Variants in AMD1 observed in about 807,000 individuals in gnomAD.
AMD1 encodes the protein adenosylmethionine decarboxylase 1.
A neutral mutation model predicts 40.2 loss-of-function variants in AMD1; 11 were observed. The observed-to-expected ratio is 0.27, with a 90% confidence interval of 0.17 to 0.45. The LOEUF is 0.45. Among genes scored for constraint, AMD1 ranks in the 20% least tolerant of loss-of-function variants. The pLI, the probability that AMD1 is intolerant of heterozygous loss-of-function variation, is 1.00. For synonymous variants in AMD1, 121 were observed against 130.8 expected (o/e 0.93, Z 0.51); for missense variants, 257 against 410.2 (o/e 0.63, Z 3.23).
chr6:110,869,849 G>A (rs1395643762), upstream of AMD1, among the ~76,000 whole-genome samples: 1 of 152,142 alleles, frequency 6.6e-6, no homozygotes, highest in African/African-American at 2.4e-5. Flanking sequence ...AATCTCTGAA[G>A]TCCCACAACA....
chr6:110,869,659 TC>T, the AMD1 span, among the ~76,000 whole-genome samples: 1 of 151,238 alleles, frequency 6.6e-6, no homozygotes, highest in South Asian at 2.1e-4. Context: ...ATAGGCGTGC[TC>T]CACCACGCTC....
the AMD1 span, among the ~76,000 whole-genome samples, chr6:110,841,681 T>A: frequency 6.6e-6 from 1 of 150,630 alleles, no homozygotes; most frequent in African/African-American, 2.4e-5. Context: ...ATTGCTTCCC[T>A]CCTTTATTCA....
the AMD1 span, among the ~76,000 whole-genome samples, chr6:110,847,947 C>T: frequency 6.6e-6 from 1 of 151,590 alleles, no homozygotes; most frequent in South Asian, 2.1e-4. Context: ...AACTCCTGAC[C>T]TTGTGATCCG....
chr6:110,860,839 A>T, the AMD1 span, among the ~76,000 whole-genome samples: 11 of 146,912 alleles, frequency 7.5e-5, no homozygotes, highest in Non-Finnish European at 1.7e-4. Context: ...CCACCCACAC[A>T]CACACACACA....
chr6:110,844,533 G>A, the AMD1 span, among the ~76,000 whole-genome samples: 2 of 151,830 alleles, frequency 1.3e-5, no homozygotes, highest in African/African-American at 4.8e-5. Context: ...TGTAATCCCA[G>A]CACTTTGGGA....
chr6:110,841,394 T>G, the AMD1 span, among the ~76,000 whole-genome samples: 2 of 152,220 alleles, frequency 1.3e-5, no homozygotes, highest in African/African-American at 4.8e-5. Flanking sequence ...ATAAGTACAT[T>G]CAATGTCCTT....
chr6:110,834,169 T>C, the AMD1 span, among the ~76,000 whole-genome samples: 1 of 151,958 alleles, frequency 6.6e-6, no homozygotes, highest in South Asian at 2.1e-4. Flanking sequence ...TTTTGTTAAT[T>C]ATTAATTATT....
At chr6:110,862,129 C>G in the AMD1 span, among the ~76,000 whole-genome samples, 1 of 148,894 alleles carries the variant, frequency 6.7e-6, no homozygotes, top group Non-Finnish European at 1.5e-5. Context: ...AAGTGATTCT[C>G]CCAGGAGTAG....
chr6:110,889,523 A>G (rs1396800526), intron 3 of AMD1: 1 of 152,336 alleles, frequency 6.6e-6, no homozygotes, highest in African/African-American at 2.4e-5. Flanking sequence ...AGCTCACTGC[A>G]ATCTGCACCT....
At chr6:110,881,101 G>A (rs962042953) in intron 1 of AMD1, among the ~76,000 whole-genome samples, 1 of 152,108 alleles carries the variant, frequency 6.6e-6, no homozygotes, top group Non-Finnish European at 1.5e-5. Context: ...TACAATTTGT[G>A]TGCTGTTATT....
the AMD1 span, among the ~76,000 whole-genome samples, chr6:110,852,982 C>CTTTT: frequency 1.6e-4 from 18 of 111,468 alleles, no homozygotes; most frequent in Middle Eastern, 5.4e-3. Context: ...TAATTAAGCA[C>CTTTT]TTTTTTTTTT....
the AMD1 span, among the ~76,000 whole-genome samples, chr6:110,822,770 G>T: frequency 6.6e-6 from 1 of 152,152 alleles, no homozygotes. Flanking sequence ...TGCAGGAATG[G>T]TTCAATATAC....
At chr6:110,826,327 CA>C in the AMD1 span, among the ~76,000 whole-genome samples, 1 of 148,048 alleles carries the variant, frequency 6.8e-6, no homozygotes, top group Non-Finnish European at 1.5e-5. Flanking sequence ...GATGAGGATG[CA>C]GCCCAGACTA....
At chr6:110,820,149 T>A in the AMD1 span, among the ~76,000 whole-genome samples, 2 of 152,156 alleles carry the variant, frequency 1.3e-5, no homozygotes, top group Admixed American at 6.5e-5. Context: ...CTGCTCTGCC[T>A]ATGGAGTAGC....
the AMD1 span, chr6:110,858,950 C>G: frequency 9.6e-7 from 1 of 1,044,788 alleles, no homozygotes; most frequent in Non-Finnish European, 1.5e-6. Context: ...ACAAGTGTGA[C>G]AACTCCTCCA....
upstream of AMD1, among the ~76,000 whole-genome samples, chr6:110,873,359 G>A (rs571636992): frequency 2.0e-5 from 3 of 152,324 alleles, no homozygotes; most frequent in Middle Eastern, 3.4e-3. Flanking sequence ...GCGAGACTCC[G>A]TCTCAGACAA....
the AMD1 span, among the ~76,000 whole-genome samples, chr6:110,839,224 G>A: frequency 6.6e-6 from 1 of 152,192 alleles, no homozygotes; most frequent in African/African-American, 2.4e-5. Context: ...ATAAAACACT[G>A]TTTTCTACAC....
chr6:110,814,888 C>A, the AMD1 span: 2 of 1,365,956 alleles, frequency 1.5e-6, no homozygotes, highest in Non-Finnish European at 2.0e-6. Context: ...GACGCAACCC[C>A]GCGACCCCCT....
chr6:110,837,713 GAAAAAAAAAAAAAAAAA>G, the AMD1 span, among the ~76,000 whole-genome samples: 25 of 19,910 alleles, frequency 1.3e-3, no homozygotes, highest in African/African-American at 4.0e-3. Flanking sequence ...CTCCATCTCA[GAAAAAAAAAAAAAAAAA>G]AAAAAAAAAA....
Sources: allele counts gnomAD v4.1 joint callset (sites outside exome capture counted in the v4.1 genomes callset), GRCh38; gene constraint gnomAD v4.1.1; transcripts MANE v1.5; gene names NCBI Gene and HGNC (gene_info 2026-07-23, HGNC 2026-07-21).